Variants in RLF observed in about 807,000 individuals in gnomAD.
The protein encoded by RLF is zinc finger protein Rlf.
Under a neutral mutation model 162.9 loss-of-function variants are expected in RLF, and 7 were observed. The observed-to-expected ratio is 0.04, with a 90% CI of 0.02 to 0.08. RLF has a LOEUF of 0.08. Ranked by LOEUF, RLF falls within the 10% of genes least tolerant of loss-of-function variation. The probability of loss-of-function intolerance (pLI) is 1.00; values close to 1 mark genes in which losing one functional copy is unlikely to be tolerated. For synonymous variants in RLF, 782 were observed against 791.5 expected, an observed-to-expected ratio of 0.99 and a Z score of 0.20; for missense variants, 1,664 against 2,244.7, an observed-to-expected ratio of 0.74 and a Z score of 5.23.
intron 6 of RLF, among the ~76,000 whole-genome samples, chr1:40,224,508 C>T (rs948870466): frequency 6.9e-6 from 1 of 145,794 alleles, no homozygotes; most frequent in Non-Finnish European, 1.5e-5. Flanking sequence ...AACTCCTGAC[C>T]TTGTGATCCA....
chr1:40,229,550 G>A (rs1410057977), intron 6 of RLF, among the ~76,000 whole-genome samples: 1 of 149,580 alleles, frequency 6.7e-6, no homozygotes, highest in Non-Finnish European at 1.5e-5. Context: ...CACCTCCCGG[G>A]TTCAAGCAAT....
intron 5 of RLF, among the ~76,000 whole-genome samples, chr1:40,205,346 A>C (rs1046229735): frequency 6.6e-6 from 1 of 152,172 alleles, no homozygotes; most frequent in Non-Finnish European, 1.5e-5. Context: ...TCTGTCTTCA[A>C]AAAAATAAAA....
At chr1:40,182,749 A>ATAGG (rs147002616) in intron 1 of RLF, among the ~76,000 whole-genome samples, 1,170 of 111,056 alleles carry the variant, frequency 0.011, 10 homozygotes, top group South Asian at 0.047. Flanking sequence ...AGACAGATAG[A>ATAGG]TAGGTAGATA....
Position 40,202,468 on chromosome 1 carries a change from T to C in RLF, c.664T>C (p.Leu222=), listed in dbSNP as rs1454572432. ...PSFLQMRIKH[L]LKSNCIPQAT... is the part of the protein sequence containing the mutation. ...CTTTCTGCAAATGCGAATAAAACAT[T>C]TGTTGAAATCTAACTGCATCCCCCA... The change falls in exon 5 of 8, where the codon TTG becomes CTG. Residue 222 remains leucine, a synonymous_variant. Transcript: ENST00000372771. 1 of 1,586,312 alleles carries C rather than the reference T, an allele frequency of 6.3e-7. No homozygotes were observed. Among genetic ancestry groups the C allele is most frequent in the African/African-American group, 1.4e-5 (1 of 73,044 alleles).
intron 1 of RLF, among the ~76,000 whole-genome samples, chr1:40,178,687 GT>G (rs59172683): frequency 0.019 from 1,403 of 75,102 alleles, 24 homozygotes; most frequent in African/African-American, 0.061. Flanking sequence ...TTTGTTTTGT[GT>G]TTTTTTTTTT....
At chr1:40,201,397 G>A (rs889387071) in intron 4 of RLF, among the ~76,000 whole-genome samples, 10 of 151,766 alleles carry the variant, frequency 6.6e-5, no homozygotes, top group Non-Finnish European at 1.5e-4. Flanking sequence ...AGGCCAAGGC[G>A]GGTGGATCAT....
At chr1:40,226,683 T>A (rs74972452) in intron 6 of RLF, among the ~76,000 whole-genome samples, 7,949 of 151,114 alleles carry the variant, frequency 0.053, 611 homozygotes, top group African/African-American at 0.17. Flanking sequence ...GCTTTAAAAA[T>A]TTTTTTTTTC....
chr1:40,181,251 G>A (rs771128793), intron 1 of RLF, among the ~76,000 whole-genome samples: 18 of 152,032 alleles, frequency 1.2e-4, no homozygotes, highest in Non-Finnish European at 2.1e-4. Flanking sequence ...CCAATATGGC[G>A]AAACCCCATC....
In RLF at chr1:40,169,622, C is replaced by CAA. The variant is rs886534976; in HGVS notation, c.237+8008_237+8009dup. 9.5e-3 allele frequency among the ~76,000 whole-genome samples: 433 copies of CAA among 45,626 alleles called. 15 individuals are homozygous for CAA. The highest frequency in any genetic ancestry group is 0.027 in the Middle Eastern group (3 of 110). The allele number at this position is 45,626 out of a possible 152,430, so 29.9% of individuals were successfully genotyped here. On this transcript the variant is annotated intron_variant, in intron 1 of 7. Coordinates refer to ENST00000372771, the MANE Select transcript of RLF (RefSeq NM_012421.4). ...TGGGCGACAGAGCGAGACTCCGTCT[C>CAA]AAAAAAAAAAAAAAAAAAAAAAATA...
Position 40,238,011 on chromosome 1 carries a change from A to G in RLF, c.3309A>G (p.Ser1103=). The change falls in exon 8 of 8, where the codon TCA becomes TCG. Residue 1103 remains serine (S), a synonymous_variant. Transcript: ENST00000372771. The surrounding 1 kb of genome is among the most constrained non-coding windows in gnomAD (Gnocchi z 5.2). ...AKSLQSVSSI[S]DLNFQNQDEN... is the part of the protein sequence containing the mutation. ...CTCTTCAGTCAGTTTCATCTATCTCAGACCTTAATTTTCAGAATCAAGATG... is the reference window on the plus strand; with the variant it reads ...CTCTTCAGTCAGTTTCATCTATCTCGGACCTTAATTTTCAGAATCAAGATG... 1.2e-6 allele frequency: 2 copies of G among 1,614,002 alleles called. No individual in the cohort carries two copies. The highest frequency in any genetic ancestry group is 1.7e-6 in the Non-Finnish European group (2 of 1,179,940).
Position 40,237,377 on chromosome 1 carries a change from G to A in RLF, c.2675G>A (p.Ser892Asn), listed in dbSNP as rs770540336. ...TETAENLKEN[S>N]DSNSSDQLSH... ...ACTGCAGAAAACCTGAAAGAAAACAGTGACAGTAATTCTAGTGATCAGTTA... is the reference window on the plus strand; with the variant it reads ...ACTGCAGAAAACCTGAAAGAAAACAATGACAGTAATTCTAGTGATCAGTTA... Residue 892 changes from serine (S) to asparagine (N), a missense_variant, in exon 8 of 8, where the codon AGT becomes AAT. Coordinates refer to ENST00000372771, the MANE Select transcript of RLF (RefSeq NM_012421.4). This position sits in a 1 kb window ranked among gnomAD's most constrained non-coding sequence, Gnocchi z 4.4. The A allele has an allele frequency of 3.1e-6, 5 of 1,613,714 alleles. No individual in the cohort carries two copies. Among genetic ancestry groups the A allele is most frequent in the Non-Finnish European group, 4.2e-6 (5 of 1,179,958 alleles).
rs369675881 is a variant in RLF, at chr1:40,180,404, G to A, written c.238-8651G>A. On this transcript the variant is annotated intron_variant, in intron 1 of 7. Coordinates refer to ENST00000372771, the MANE Select transcript of RLF (RefSeq NM_012421.4). ...CTCCTGAGTGGCTGGGATTATAGGC[G>A]CCCGCCACCACGCCTAGCTAATTTT... 7.9e-5 allele frequency among the ~76,000 whole-genome samples: 12 copies of A among 152,076 alleles called. No homozygotes were observed. The East Asian group carries it at 1.7e-3, about 22-fold the overall frequency.
At chr1:40,188,952 A>C in intron 1 of RLF, 103 bp from the exon 2 acceptor site, 1 of 675,158 alleles carries the variant, frequency 1.5e-6, no homozygotes, top group East Asian at 2.9e-5. Context: ...AGGTATATGC[A>C]TCTGTTAGAA....
At position 40,189,200 on chromosome 1, in the gene RLF, G is replaced by C; in HGVS notation, c.383G>C (p.Arg128Thr). The change falls in exon 2 of 8, where the codon AGA (arginine) becomes ACA (threonine). Residue 128 changes from arginine (R) to threonine (T), a missense_variant. This residue lies in a region of RLF where 287 missense variants were observed against 404.9 expected (regional missense o/e 0.71). Coordinates refer to ENST00000372771, the MANE Select transcript of RLF (RefSeq NM_012421.4). ...GAAGATGTCCTCTTAGTGCTTGGCA[G>C]ATTAGTACTGTAAGTTTGAGAACTT... ...ECEDVLLVLGRLVLSCFELLL... is the reference protein window; with the variant it reads ...ECEDVLLVLGTLVLSCFELLL... 6.2e-7 allele frequency: 1 copy of C among 1,611,306 alleles called. No individual in the cohort carries two copies. Among genetic ancestry groups the C allele is most frequent in the Non-Finnish European group, 8.5e-7 (1 of 1,178,782 alleles).
At chr1:40,162,718 C>T (rs1642111143) in intron 1 of RLF, among the ~76,000 whole-genome samples, 1 of 152,184 alleles carries the variant, frequency 6.6e-6, no homozygotes, top group South Asian at 2.1e-4. Context: ...GGCAGAAGCA[C>T]CTCATCTCTC....
In RLF at chr1:40,237,995, C is replaced by T. The variant is rs202022424; in HGVS notation, c.3293C>T (p.Ser1098Leu). Residue 1098 changes from serine (S) to leucine (L), a missense_variant, in exon 8 of 8, where the codon TCA (serine) becomes TTA (leucine). By Grantham distance (145) the Ser-to-Leu change is moderately radical. Around this residue, in one of 15 missense-constraint regions of RLF, gnomAD observed 30 missense variants for 116.5 expected, o/e 0.26. Coordinates refer to ENST00000372771, the MANE Select transcript of RLF (RefSeq NM_012421.4). This position sits in a 1 kb window ranked among gnomAD's most constrained non-coding sequence, Gnocchi z 4.4. ...TCCAGTGGTGCTAAGTCTCTTCAGTCAGTTTCATCTATCTCAGACCTTAAT... is the reference window on the plus strand; with the variant it reads ...TCCAGTGGTGCTAAGTCTCTTCAGTTAGTTTCATCTATCTCAGACCTTAAT... ...YPSSGAKSLQ[S>L]VSSISDLNFQ... 99 of 1,613,996 alleles carry T rather than the reference C, an allele frequency of 6.1e-5. No individual in the cohort carries two copies. In the Middle Eastern group the frequency reaches 8.2e-4, roughly 13 times the overall value.
intron 1 of RLF, among the ~76,000 whole-genome samples, chr1:40,182,911 G>T (rs1002070676): frequency 1.3e-5 from 2 of 152,106 alleles, no homozygotes; most frequent in African/African-American, 4.8e-5. Context: ...ATTTACTCTA[G>T]CCACTTAACT....
At chr1:40,176,400 T>C (rs2124527928) in intron 1 of RLF, among the ~76,000 whole-genome samples, 1 of 152,324 alleles carries the variant, frequency 6.6e-6, no homozygotes, top group Admixed American at 6.5e-5. Flanking sequence ...TTAGCCACTC[T>C]AAAATTGCTG....
intron 1 of RLF, among the ~76,000 whole-genome samples, chr1:40,178,537 T>A (rs1642359073): frequency 6.6e-6 from 1 of 151,232 alleles, no homozygotes; most frequent in African/African-American, 2.4e-5. Context: ...AATATATACT[T>A]AAAAATTGTT....
Sources: allele counts gnomAD v4.1 joint callset (sites outside exome capture counted in the v4.1 genomes callset), GRCh38; gene constraint gnomAD v4.1.1; regional missense constraint gnomAD v4.1.1; non-coding constraint Gnocchi (gnomAD v3.1); transcripts MANE v1.5; gene names NCBI Gene and HGNC (gene_info 2026-07-23, HGNC 2026-07-21).